Variants in SLCO1B1 observed in about 807,000 individuals in gnomAD.
The protein encoded by SLCO1B1 is solute carrier organic anion transporter family member 1B1.
A neutral mutation model predicts 70.1 loss-of-function variants in SLCO1B1; 81 were observed. That is an observed-to-expected ratio of 1.16 (90% confidence interval 0.97 to 1.39). SLCO1B1 has a LOEUF of 1.39. Ranked by LOEUF, SLCO1B1 falls within the 40% of genes most tolerant of loss-of-function variation. The probability of loss-of-function intolerance (pLI) is 0.00; values close to 1 mark genes in which losing one functional copy is unlikely to be tolerated. For synonymous variants in SLCO1B1, 283 were observed against 271.5 expected, an observed-to-expected ratio of 1.04 and a Z score of -0.42; for missense variants, 895 against 799.6, an observed-to-expected ratio of 1.12 and a Z score of -1.44.
chr12:21,217,463 G>T (rs1222058653), intron 12 of SLCO1B1, among the ~76,000 whole-genome samples, 160 bp downstream of exon 12: 1 of 151,888 alleles, frequency 6.6e-6, no homozygotes, highest in East Asian at 1.9e-4. Flanking sequence ...GAACTCTCAA[G>T]GCTGTAATTA....
intron 10 of SLCO1B1, among the ~76,000 whole-genome samples, chr12:21,203,026 T>A (rs894175285): frequency 6.6e-6 from 1 of 152,058 alleles, no homozygotes; most frequent in Non-Finnish European, 1.5e-5. Flanking sequence ...AGATTCTAAC[T>A]CAAATTTGAG....
In SLCO1B1 at chr12:21,238,123, A is replaced by G. The variant is rs796294965; in HGVS notation, c.1866-856A>G. On this transcript the variant is annotated intron_variant, in intron 14 of 14. Coordinates refer to ENST00000256958, the MANE Select transcript of SLCO1B1 (RefSeq NM_006446.5). ...GTCTCAAAATTTTTATATGATTTCA[A>G]TTGATTTACTTTTTAGTCTTGTTTC... is the stretch of plus-strand genomic sequence containing the variant. Among the ~76,000 whole-genome samples, 18 of 152,138 alleles carry G rather than the reference A, an allele frequency of 1.2e-4. No homozygotes were observed. The East Asian group carries it at 1.5e-3, about 13-fold the overall frequency.
chr12:21,213,837 T>G (rs1455379039), intron 11 of SLCO1B1, among the ~76,000 whole-genome samples: 2 of 150,418 alleles, frequency 1.3e-5, no homozygotes, highest in Non-Finnish European at 3.0e-5. Context: ...GCTGATACCC[T>G]TTCTTCCAGT....
At chr12:21,190,122 T>A (rs1165171999) in intron 7 of SLCO1B1, among the ~76,000 whole-genome samples, 2 of 152,118 alleles carry the variant, frequency 1.3e-5, no homozygotes, top group Non-Finnish European at 2.9e-5. Flanking sequence ...AGCTGTTCTC[T>A]TACCCTGAGG....
chr12:21,197,414 A>T (rs989820201), intron 8 of SLCO1B1, among the ~76,000 whole-genome samples: 1 of 152,130 alleles, frequency 6.6e-6, no homozygotes, highest in Non-Finnish European at 1.5e-5. Context: ...GCAGGGAGAA[A>T]CCAACAAAAG....
chr12:21,215,198 G>A (rs961671411), intron 11 of SLCO1B1, among the ~76,000 whole-genome samples: 1 of 152,160 alleles, frequency 6.6e-6, no homozygotes, highest in African/African-American at 2.4e-5. Context: ...GATCTGTCTA[G>A]GATTTCCAGT....
intron 2 of SLCO1B1, among the ~76,000 whole-genome samples, chr12:21,152,116 A>C (rs61926179): frequency 0.018 from 2,690 of 151,970 alleles, 46 homozygotes; most frequent in Non-Finnish European, 0.021. Flanking sequence ...TGCAGATTTT[A>C]ATTCATATAT....
At chr12:21,217,073 AG>A (rs781192887) in intron 11 of SLCO1B1, 45 bp from the exon 12 acceptor site, 1 of 1,416,878 alleles carries the variant, frequency 7.1e-7, no homozygotes, top group Non-Finnish European at 1.0e-6. Context: ...CAGCACTGTT[AG>A]GTCTTGCAAA....
At chr12:21,188,714 G>A (rs1471141042) in intron 7 of SLCO1B1, among the ~76,000 whole-genome samples, 1 of 152,096 alleles carries the variant, frequency 6.6e-6, no homozygotes, top group Non-Finnish European at 1.5e-5. Flanking sequence ...TCTTCTTCCT[G>A]TAGAGACTGC....
At chr12:21,215,610 T>A (rs923234045) in intron 11 of SLCO1B1, among the ~76,000 whole-genome samples, 1 of 152,198 alleles carries the variant, frequency 6.6e-6, no homozygotes, top group Non-Finnish European at 1.5e-5. Flanking sequence ...TGCACCTATA[T>A]GCATCTATAT....
intron 2 of SLCO1B1, among the ~76,000 whole-genome samples, chr12:21,150,734 G>A (rs183301305): frequency 6.6e-6 from 1 of 152,144 alleles, no homozygotes; most frequent in African/African-American, 2.4e-5. Context: ...CCACGAAGAT[G>A]AGGAAAAACA....
chr12:21,142,817 T>C (rs191267518), intron 2 of SLCO1B1, among the ~76,000 whole-genome samples: 1 of 152,194 alleles, frequency 6.6e-6, no homozygotes, highest in African/African-American at 2.4e-5. Flanking sequence ...CATAGCAAAA[T>C]GGCAGCAAAC....
intron 14 of SLCO1B1, among the ~76,000 whole-genome samples, chr12:21,226,166 G>C (rs997165878): frequency 6.6e-6 from 1 of 152,154 alleles, no homozygotes; most frequent in East Asian, 1.9e-4. Context: ...TGTAATCTAG[G>C]CACTTTGGGA....
At position 21,202,681 on chromosome 12, in the gene SLCO1B1, T is replaced by A; in HGVS notation, c.1326T>A (p.Tyr442Ter). 6.2e-7 allele frequency: 1 copy of A among 1,609,560 alleles called. No homozygotes were observed. Among genetic ancestry groups the A allele is most frequent in the Non-Finnish European group, 8.5e-7 (1 of 1,176,998 alleles). Residue 442 changes from tyrosine (Y) to a stop codon, truncating the protein, a stop_gained, in exon 10 of 15, where the codon TAT (tyrosine) becomes TAA (stop). Transcript: ENST00000256958. LOFTEE classifies it high-confidence loss of function. ...CAGTTGCCGGACTAACCATGACCTATGATGGGTTTGTATATATCACTATAT... is the reference window on the plus strand; with the variant it reads ...CAGTTGCCGGACTAACCATGACCTAAGATGGGTTTGTATATATCACTATAT... ...NKSVAGLTMT[Y>*]DGNNPVTSHR...
intron 11 of SLCO1B1, among the ~76,000 whole-genome samples, chr12:21,210,347 T>A (rs962190369): frequency 7.9e-6 from 1 of 126,414 alleles, no homozygotes; most frequent in Non-Finnish European, 1.7e-5. Context: ...TTTTCTCAGG[T>A]TTGTCAAAGA....
intron 2 of SLCO1B1, among the ~76,000 whole-genome samples, chr12:21,164,168 C>T (rs181844846): frequency 3.3e-5 from 5 of 152,180 alleles, no homozygotes; most frequent in East Asian, 3.9e-4. Context: ...TAGTAAATTT[C>T]AAAACTGCAT....
At chr12:21,165,483 A>C (rs1053533803) in intron 2 of SLCO1B1, among the ~76,000 whole-genome samples, 8 of 152,130 alleles carry the variant, frequency 5.3e-5, no homozygotes, top group African/African-American at 1.7e-4. Context: ...GCTAATCCCC[A>C]AGCTTAGAAC....
At chr12:21,223,827 A>C (rs1941456410) in intron 13 of SLCO1B1, among the ~76,000 whole-genome samples, 1 of 152,190 alleles carries the variant, frequency 6.6e-6, no homozygotes, top group South Asian at 2.1e-4. Context: ...AAAATTCTTC[A>C]TCAAATTACC....
At chr12:21,238,034 T>C (rs1941612073) in intron 14 of SLCO1B1, among the ~76,000 whole-genome samples, 1 of 152,116 alleles carries the variant, frequency 6.6e-6, no homozygotes. Flanking sequence ...TTTAAAAATG[T>C]TTCTTTTGCT....
Sources: gnomAD v4.1 joint callset for allele counts (sites outside exome capture counted in the v4.1 genomes callset) on GRCh38, gnomAD v4.1.1 for gene constraint, MANE v1.5 for transcripts, NCBI Gene and HGNC (gene_info 2026-07-23, HGNC 2026-07-21) for gene names.